The following ASXL1 variants were observed in gnomAD, a reference collection of about 807,000 sequenced individuals.
ASXL1 encodes ASXL transcriptional regulator 1.
In ASXL1, 65 loss-of-function variants were observed where a neutral mutation model predicts 89.1. The observed-to-expected ratio is 0.73, with a 90% CI of 0.60 to 0.90. The LOEUF is 0.90. Among genes scored for constraint, ASXL1 ranks in the 40% least tolerant of loss-of-function variants. ASXL1 has a pLI of 0.00. For synonymous variants in ASXL1, 739 were observed against 746.9 expected (o/e 0.99, Z 0.17); for missense variants, 1,786 against 1,942.9 (o/e 0.92, Z 1.52).
In ASXL1 at chr20:32,430,048, C is replaced by A; in HGVS notation, c.713C>A (p.Ala238Asp). 1 of 1,604,572 alleles carries A rather than the reference C, an allele frequency of 6.2e-7. No homozygotes were observed. The highest frequency in any genetic ancestry group is 8.5e-7 in the Non-Finnish European group (1 of 1,179,896). Residue 238 changes from alanine to aspartate, a missense_variant, in exon 8 of 13, where the codon GCC becomes GAC. Around this residue, in one of 3 missense-constraint regions of ASXL1, gnomAD observed 332 missense variants for 449.7 expected, o/e 0.74. Transcript: ENST00000375687. ...CTCCTGAGAGGCTTCCGGAAGCCAG[C>A]CACAGGTGAGTGGCGTGGCACTTAT... ...APLLRGFRKPATGQMKRNRGE... is the reference protein window; with the variant it reads ...APLLRGFRKPDTGQMKRNRGE...
rs553600123 is a variant in ASXL1, at chr20:32,429,740, C to T, written c.566-161C>T. ...CACCTGTAAGGTGATATTTTAAAGCCAGACCATGAAGTGGTGGTTTCTCTC... is the reference window on the plus strand; with the variant it reads ...CACCTGTAAGGTGATATTTTAAAGCTAGACCATGAAGTGGTGGTTTCTCTC... On this transcript the variant is annotated intron_variant, in intron 7 of 12. Transcript: ENST00000375687. This position sits in a 1 kb window ranked among gnomAD's most constrained non-coding sequence, Gnocchi z 4.9. 2.8e-4 allele frequency: 295 copies of T among 1,035,336 alleles called. 1 individual carries two copies. The African/African-American group carries it at 4.4e-3, about 15-fold the overall frequency. 64.1% of individuals were successfully genotyped at this position (1,035,336 alleles called of 1,614,324 possible). A position where few individuals can be genotyped will look rare whatever the true frequency, so the allele number is the denominator to read the frequency against.
At chr20:32,359,471 C>G (rs1040665315) in intron 1 of ASXL1, 4 of 686,294 alleles carry the variant, frequency 5.8e-6, no homozygotes, top group Non-Finnish European at 1.1e-5. Flanking sequence ...CCTGCTGAGC[C>G]TCAGGGTCTG....
Position 32,435,307 on chromosome 20 carries a change from A to G in ASXL1, c.2595A>G (p.Glu865=). ...DCLQNRAFDD[E]LGLGGSCPPM... ...TGCAGAACAGAGCATTTGATGACGAATTAGGGCTTGGTGGCTCATGCCCTC... is the reference window on the plus strand; with the variant it reads ...TGCAGAACAGAGCATTTGATGACGAGTTAGGGCTTGGTGGCTCATGCCCTC... Residue 865 remains glutamate (E), a synonymous_variant, in exon 13 of 13, where the codon GAA becomes GAG. Coordinates refer to ENST00000375687, the MANE Select transcript of ASXL1 (RefSeq NM_015338.6). The G allele has an allele frequency of 6.2e-7, 1 of 1,614,220 alleles. No individual in the cohort carries two copies. Among genetic ancestry groups the G allele is most frequent in the Non-Finnish European group, 8.5e-7 (1 of 1,180,044 alleles).
Position 32,435,583 on chromosome 20 carries a change from T to G in ASXL1, c.2871T>G (p.Thr957=). ...GTCTAGATCCTCTTGACAGCCTTACTTCACTCTGGACTGTGCCATCTCGAG... is the reference window on the plus strand; with the variant it reads ...GTCTAGATCCTCTTGACAGCCTTACGTCACTCTGGACTGTGCCATCTCGAG... ...EEGLDPLDSL[T]SLWTVPSRGG... The change falls in exon 13 of 13, where the codon ACT becomes ACG. Residue 957 remains threonine (T), a synonymous_variant. Transcript: ENST00000375687. 6.2e-7 allele frequency: 1 copy of G among 1,614,126 alleles called. No homozygotes were observed. Among genetic ancestry groups the G allele is most frequent in the Admixed American group, 1.7e-5 (1 of 60,022 alleles).
At chr20:32,390,668 A>G (rs1289169327) in intron 4 of ASXL1, among the ~76,000 whole-genome samples, 1 of 152,034 alleles carries the variant, frequency 6.6e-6, no homozygotes, top group Admixed American at 6.6e-5. Flanking sequence ...GAACAGTTTC[A>G]TCATCCCAGA....
chr20:32,413,427 G>T (rs1342337421), intron 4 of ASXL1, among the ~76,000 whole-genome samples: 1 of 152,074 alleles, frequency 6.6e-6, no homozygotes, highest in African/African-American at 2.4e-5. Flanking sequence ...TCAATATGTA[G>T]ATAAAATAAC....
chr20:32,388,501 A>G (rs4575791), intron 4 of ASXL1, among the ~76,000 whole-genome samples: 53,465 of 152,070 alleles, frequency 0.35, 10,499 homozygotes, highest in East Asian at 0.74. Context: ...TTGGGTAAAG[A>G]GATGTATTTT....
intron 1 of ASXL1, among the ~76,000 whole-genome samples, chr20:32,363,579 G>A (rs992906078): frequency 1.3e-5 from 2 of 152,216 alleles, no homozygotes; most frequent in African/African-American, 4.8e-5. Context: ...TCTAGTCATA[G>A]TTTCTCCTTT....
At position 32,426,542 on chromosome 20, in the gene ASXL1, TTTTTTTTCTTTC is replaced by T. The variant is rs1178021804; in HGVS notation, c.253-1578_253-1567del. Among the ~76,000 whole-genome samples, 48 of 99,938 alleles carry T rather than the reference TTTTTTTTCTTTC, an allele frequency of 4.8e-4. 6 individuals are homozygous for T. Among genetic ancestry groups the T allele is most frequent in the Admixed American group, 1.6e-3 (15 of 9,384 alleles). The allele number at this position is 99,938 out of a possible 152,430, so 65.6% of individuals were successfully genotyped here. ...GGTAAAGATGTAGAAAACTGTTTTC[TTTTTTTTCTTTC>T]TTTTTTTTTTTTTTTTTTTTTTTTG... On this transcript the variant is annotated intron_variant, in intron 4 of 12. Coordinates refer to ENST00000375687, the MANE Select transcript of ASXL1 (RefSeq NM_015338.6).
At chr20:32,422,608 A>G (rs529859112) in intron 4 of ASXL1, among the ~76,000 whole-genome samples, 3 of 135,892 alleles carry the variant, frequency 2.2e-5, no homozygotes, top group Admixed American at 7.6e-5. Flanking sequence ...TTTTTTAAAG[A>G]CAGAGTCTTG....
At chr20:32,371,243 G>A (rs548682754) in intron 4 of ASXL1, among the ~76,000 whole-genome samples, 4 of 152,270 alleles carry the variant, frequency 2.6e-5, no homozygotes, top group Non-Finnish European at 4.4e-5. Context: ...ATGATGATCT[G>A]AGGTTTATCA....
chr20:32,411,739 T>C (rs572293208), intron 4 of ASXL1, among the ~76,000 whole-genome samples: 1 of 152,084 alleles, frequency 6.6e-6, no homozygotes, highest in East Asian at 1.9e-4. Flanking sequence ...GGTTTCACCA[T>C]GTTGGCCAGG....
At chr20:32,424,495 G>A (rs189551143) in intron 4 of ASXL1, among the ~76,000 whole-genome samples, 3 of 152,054 alleles carry the variant, frequency 2.0e-5, no homozygotes, top group Non-Finnish European at 4.4e-5. Flanking sequence ...AGATCATGCC[G>A]CTGCACTCCA....
chr20:32,399,579 A>G (rs2048833634), intron 4 of ASXL1, among the ~76,000 whole-genome samples: 1 of 149,558 alleles, frequency 6.7e-6, no homozygotes, highest in Non-Finnish European at 1.5e-5. Context: ...CTCTTTATCC[A>G]AACATTAGGC....
intron 4 of ASXL1, among the ~76,000 whole-genome samples, chr20:32,401,427 C>T (rs1455250739): frequency 6.6e-6 from 1 of 152,110 alleles, no homozygotes; most frequent in African/African-American, 2.4e-5. Flanking sequence ...TTATCTTTCT[C>T]AGAATGTCAT....
chr20:32,364,571 C>T (rs150397547), intron 1 of ASXL1, among the ~76,000 whole-genome samples: 1 of 152,264 alleles, frequency 6.6e-6, no homozygotes, highest in Non-Finnish European at 1.5e-5. Context: ...GTTACCCAGG[C>T]TGGAGTGCAG....
In ASXL1 at chr20:32,436,464, A is replaced by G. The variant is rs1177102722; in HGVS notation, c.3752A>G (p.Gln1251Arg). Reference protein sequence around the residue: ...EDQKEVRAMSQDSNSNAAPGK... With the variant: ...EDQKEVRAMSRDSNSNAAPGK... ...CAGAAGGAAGTCCGTGCTATGTCAC[A>G]GGACAGTAATTCAAATGCTGCTCCA... The change falls in exon 13 of 13, where the codon CAG (glutamine) becomes CGG (arginine). Residue 1251 changes from glutamine to arginine, a missense_variant. This residue lies in a region of ASXL1 where 1,418 missense variants were observed against 1,427.8 expected (regional missense o/e 0.99). Coordinates refer to ENST00000375687, the MANE Select transcript of ASXL1 (RefSeq NM_015338.6). The G allele has an allele frequency of 1.2e-6, 2 of 1,614,064 alleles. No individual in the cohort carries two copies. The highest frequency in any genetic ancestry group is 1.1e-5 in the South Asian group (1 of 91,090).
chr20:32,418,549 TG>T (rs2123145732), intron 4 of ASXL1, among the ~76,000 whole-genome samples: 1 of 152,292 alleles, frequency 6.6e-6, no homozygotes, highest in African/African-American at 2.4e-5. Context: ...ATGGTCTGAT[TG>T]CATAATATTT....
Position 32,433,648 on chromosome 20 carries a change from G to C in ASXL1, c.1450G>C (p.Glu484Gln), listed in dbSNP as rs1388025911. The C allele has an allele frequency of 6.2e-7, 1 of 1,612,146 alleles. No individual in the cohort carries two copies. Among genetic ancestry groups the C allele is most frequent in the South Asian group, 1.1e-5 (1 of 91,064 alleles). The change falls in exon 12 of 13, where the codon GAG becomes CAG. Residue 484 changes from glutamate to glutamine, a missense_variant. Coordinates refer to ENST00000375687, the MANE Select transcript of ASXL1 (RefSeq NM_015338.6). The part of the protein sequence containing the change: ...PDLEGPEFPV[E>Q]SVASRIQAEP... ...CCTGGAGGGTCCCGAATTCCCAGTT[G>C]AGTCTGTGGCTTCTCGGATCCAGGC... is the stretch of plus-strand genomic sequence containing the variant.
Sources: gnomAD v4.1 joint callset for allele counts (sites outside exome capture counted in the v4.1 genomes callset) on GRCh38, gnomAD v4.1.1 for gene constraint, gnomAD v4.1.1 regional missense constraint, Gnocchi (gnomAD v3.1) non-coding constraint, MANE v1.5 for transcripts, NCBI Gene and HGNC (gene_info 2026-07-23, HGNC 2026-07-21) for gene names.